Variants in PRF1 observed in about 807,000 individuals in gnomAD.
The protein encoded by PRF1 is perforin 1.
Under a neutral mutation model 11.7 loss-of-function variants are expected in PRF1, and 11 were observed. That is an observed-to-expected ratio of 0.94 (90% CI 0.59 to 1.56). The LOEUF (loss-of-function observed/expected upper bound fraction) is 1.56, where lower values mean the gene tolerates loss of function less well. PRF1 is among the 40% of genes most tolerant of loss of function. PRF1 has a pLI of 0.00. For synonymous variants in PRF1, 314 were observed against 327.8 expected (o/e 0.96, Z 0.45); for missense variants, 729 against 751.0 (o/e 0.97, Z 0.34).
At position 70,600,691 on chromosome 10, in the gene PRF1, C is replaced by T. The variant is rs1161153296; in HGVS notation, c.212G>A (p.Gly71Asp). The change falls in exon 2 of 3, where the codon GGC (glycine) becomes GAC (aspartate). Residue 71 changes from glycine to aspartate, a missense_variant. By Grantham distance (94) the Gly-to-Asp change is moderately conservative (BLOSUM62 -1). Coordinates refer to ENST00000441259, the MANE Select transcript of PRF1 (RefSeq NM_001083116.3). The surrounding 1 kb of genome is among the most constrained non-coding windows in gnomAD (Gnocchi z 4.9). The stretch of plus-strand genomic sequence containing the variant: ...GGCATTTTCACAGAGGGTGCAGGTG[C>T]CGTCGGGCCGCAGGAACCTTTGTGT... The part of the protein sequence containing the change: ...VDTQRFLRPD[G>D]TCTLCENALQ... 2 of 1,613,858 alleles carry T rather than the reference C, an allele frequency of 1.2e-6. No individual in the cohort carries two copies. Among genetic ancestry groups the T allele is most frequent in the Non-Finnish European group, 1.7e-6 (2 of 1,179,936 alleles).
At chr10:70,601,840 A>AAAAAAAAAAAAGAGACAGAAAAAAAAG (rs55649452) in intron 1 of PRF1, among the ~76,000 whole-genome samples, 1 of 97,764 alleles carries the variant, frequency 1.0e-5, no homozygotes, top group Non-Finnish European at 1.9e-5. Flanking sequence ...AAAAAAAAAA[A>AAAAAAAAAAAAGAGACAGAAAAAAAAG]AAAAAGGGGC....
At position 70,598,261 on chromosome 10, in the gene PRF1, G is replaced by C; in HGVS notation, c.1460C>G (p.Ser487Cys). 1 of 1,614,254 alleles carries C rather than the reference G, an allele frequency of 6.2e-7. No individual in the cohort carries two copies. The highest frequency in any genetic ancestry group is 1.1e-5 in the South Asian group (1 of 91,088). Residue 487 changes from serine (S) to cysteine (C), a missense_variant, in exon 3 of 3, where the codon TCT (serine) becomes TGT (cysteine). Coordinates refer to ENST00000441259, the MANE Select transcript of PRF1 (RefSeq NM_001083116.3). ...GCCAAGGAGGTCATCGTCCCTGCCA[G>C]AGTCCTGATCCCAGACCTGCAACCT... ...PLRLQVWDQD[S>C]GRDDDLLGTC... is the part of the protein sequence containing the mutation.
At position 70,598,092 on chromosome 10, in the gene PRF1, C is replaced by G. The variant is rs767848717; in HGVS notation, c.1629G>C (p.Leu543=). 1.2e-6 allele frequency: 2 copies of G among 1,614,064 alleles called. No individual in the cohort carries two copies. The highest frequency in any genetic ancestry group is 1.1e-5 in the South Asian group (1 of 91,074). ...TCLDYVPQML[L]GEPPGNRSGA... The stretch of plus-strand genomic sequence containing the variant: ...CACTCCGGTTTCCTGGAGGCTCCCC[C>G]AGAAGCATTTGGGGGACATAGTCCA... Residue 543 remains leucine, a synonymous_variant, in exon 3 of 3, where the codon CTG becomes CTC. Transcript: ENST00000441259.
In PRF1 at chr10:70,600,755, C is replaced by T. The variant is rs776299562; in HGVS notation, c.148G>A (p.Val50Met). Residue 50 changes from valine to methionine, a missense_variant, in exon 2 of 3, where the codon GTG (valine) becomes ATG (methionine). Transcript: ENST00000441259. This position sits in a 1 kb window ranked among gnomAD's most constrained non-coding sequence, Gnocchi z 4.9. ...GAGCCCGAGCGGCGGAGGCTGGTCACGTCCACACCCTCCCCGGCCAGCCAT... is the reference window on the plus strand; with the variant it reads ...GAGCCCGAGCGGCGGAGGCTGGTCATGTCCACACCCTCCCCGGCCAGCCAT... ...GAWLAGEGVD[V>M]TSLRRSGSFP... 20 of 1,612,202 alleles carry T rather than the reference C, an allele frequency of 1.2e-5. No homozygotes were observed. Among genetic ancestry groups the T allele is most frequent in the Non-Finnish European group, 1.6e-5 (19 of 1,178,876 alleles).
chr10:70,601,007 G>T, intron 1 of PRF1, 75 bp from the exon 2 acceptor site: 1 of 1,512,216 alleles, frequency 6.6e-7, no homozygotes, highest in Non-Finnish European at 8.8e-7. Context: ...AGGGCACATG[G>T]AAGGGGAGGG....
Position 70,598,930 on chromosome 10 carries a change from A to T in PRF1, c.791T>A (p.Val264Asp). 4 of 1,614,108 alleles carry T rather than the reference A, an allele frequency of 2.5e-6. No homozygotes were observed. The highest frequency in any genetic ancestry group is 2.5e-6 in the Non-Finnish European group (3 of 1,180,006). Residue 264 changes from valine (V) to aspartate (D), a missense_variant, in exon 3 of 3, where the codon GTC becomes GAC. Transcript: ENST00000441259. ...GATGCTGCCGTGGATGCCTATGTTG[A>T]CCTGGGCCTCGACAGTCAGGCAGTC... is the stretch of plus-strand genomic sequence containing the variant. ...VEDCLTVEAQ[V>D]NIGIHGSISA... is the part of the protein sequence containing the mutation.
chr10:70,599,127 C>T lies in PRF1; in HGVS notation c.594G>A (p.Gly198=), dbSNP rs925225446. ...PLHPDFKRAL[G]DLPHHFNAST... ...AGGCGTTGAAGTGGTGGGGCAGGTC[C>T]CCGAGGGCCCTCTTGAAGTCAGGGT... The change falls in exon 3 of 3, where the codon GGG becomes GGA. Residue 198 remains glycine (G), a synonymous_variant. Coordinates refer to ENST00000441259, the MANE Select transcript of PRF1 (RefSeq NM_001083116.3). The T allele has an allele frequency of 4.3e-6, 7 of 1,614,092 alleles. No individual in the cohort carries two copies. Among genetic ancestry groups the T allele is most frequent in the South Asian group, 2.2e-5 (2 of 91,084 alleles).
Position 70,598,683 on chromosome 10 carries a change from C to G in PRF1, c.1038G>C (p.Leu346=), listed in dbSNP as rs762946719. Reference sequence around the variant, plus strand: ...GGTCCTGGCTGTCCAGCAGCACGTGCAGGGGTTCCAGGGTGTAGTCCACCA... The same window carrying G: ...GGTCCTGGCTGTCCAGCAGCACGTGGAGGGGTTCCAGGGTGTAGTCCACCA... ...PGLVDYTLEP[L]HVLLDSQDPR... The change falls in exon 3 of 3, where the codon CTG becomes CTC. Residue 346 remains leucine, a synonymous_variant. Coordinates refer to ENST00000441259, the MANE Select transcript of PRF1 (RefSeq NM_001083116.3). The G allele has an allele frequency of 2.2e-5, 36 of 1,613,968 alleles. No individual in the cohort carries two copies. The highest frequency in any genetic ancestry group is 4.0e-5 in the African/African-American group (3 of 74,940).
At position 70,597,546 on chromosome 10, in the gene PRF1, A is replaced by C. The variant is rs1449582024; in HGVS notation, c.*507T>G. On this transcript the variant is annotated 3_prime_UTR_variant, in exon 3 of 3. Transcript: ENST00000441259. ...CTCAAGGGAAGGGTCCTAAAAGACC[A>C]GCCCTGAGCAGCCTGGTGGGAACAG... 4.6e-6 allele frequency: 2 copies of C among 437,802 alleles called. No homozygotes were observed. The highest frequency in any genetic ancestry group is 8.0e-6 in the Non-Finnish European group (2 of 250,692). The allele number at this position is 437,802 out of a possible 1,614,324, so 27.1% of individuals were successfully genotyped here.
Position 70,600,076 on chromosome 10 carries a change from T to C in PRF1, c.539+288A>G, listed in dbSNP as rs1848197858. Among the ~76,000 whole-genome samples, 1 of 152,030 alleles carries C rather than the reference T, an allele frequency of 6.6e-6. No homozygotes were observed. Among genetic ancestry groups the C allele is most frequent in the Admixed American group, 6.5e-5 (1 of 15,270 alleles). The stretch of plus-strand genomic sequence containing the variant: ...CTGGCTGTGCCCAGGAAAGGCAGGG[T>C]TCAGTACTCACTAGACCTAAATGGC... On this transcript the variant is annotated intron_variant, in intron 2 of 2. Coordinates refer to ENST00000441259, the MANE Select transcript of PRF1 (RefSeq NM_001083116.3). The surrounding 1 kb of genome is among the most constrained non-coding windows in gnomAD (Gnocchi z 4.9).
rs1848139769 is a variant in PRF1, at chr10:70,597,440, A to G, written c.*613T>C. 1 of 371,402 alleles carries G rather than the reference A, an allele frequency of 2.7e-6. No homozygotes were observed. Among genetic ancestry groups the G allele is most frequent in the African/African-American group, 2.1e-5 (1 of 48,094 alleles). 23.0% of individuals were successfully genotyped at this position (371,402 alleles called of 1,614,324 possible). A position where few individuals can be genotyped will look rare whatever the true frequency, so the allele number is the denominator to read the frequency against. On this transcript the variant is annotated 3_prime_UTR_variant, in exon 3 of 3. Transcript: ENST00000441259. ...CCTCCATTTGTCTCAGGGGCAAAGC[A>G]TTGTGGGCAAAGAAGACAGAGCAGC...
chr10:70,600,089 A>C lies in PRF1; in HGVS notation c.539+275T>G, dbSNP rs1423630711. ...GGAAAGGCAGGGTTCAGTACTCACT[A>C]GACCTAAATGGCACCCTGCTGGGAC... On this transcript the variant is annotated intron_variant, in intron 2 of 2. Transcript: ENST00000441259. The surrounding 1 kb of genome is among the most constrained non-coding windows in gnomAD (Gnocchi z 4.9). Among the ~76,000 whole-genome samples, 1 of 152,206 alleles carries C rather than the reference A, an allele frequency of 6.6e-6. No homozygotes were observed. Among genetic ancestry groups the C allele is most frequent in the African/African-American group, 2.4e-5 (1 of 41,462 alleles).
At position 70,598,682 on chromosome 10, in the gene PRF1, G is replaced by A. The variant is rs556996220; in HGVS notation, c.1039C>T (p.His347Tyr). 1 of 1,614,080 alleles carries A rather than the reference G, an allele frequency of 6.2e-7. No individual in the cohort carries two copies. Among genetic ancestry groups the A allele is most frequent in the South Asian group, 1.1e-5 (1 of 91,086 alleles). Residue 347 changes from histidine (H) to tyrosine (Y), a missense_variant, in exon 3 of 3, where the codon CAC becomes TAC. Transcript: ENST00000441259. ...GLVDYTLEPLHVLLDSQDPRR... is the reference protein window; with the variant it reads ...GLVDYTLEPLYVLLDSQDPRR... Reference sequence around the variant, plus strand: ...GGGTCCTGGCTGTCCAGCAGCACGTGCAGGGGTTCCAGGGTGTAGTCCACC... The same window carrying A: ...GGGTCCTGGCTGTCCAGCAGCACGTACAGGGGTTCCAGGGTGTAGTCCACC...
chr10:70,598,086 C>T lies in PRF1; in HGVS notation c.1635G>A (p.Glu545=). Reference sequence around the variant, plus strand: ...CGGCCCCACTCCGGTTTCCTGGAGGCTCCCCCAGAAGCATTTGGGGGACAT... The same window carrying T: ...CGGCCCCACTCCGGTTTCCTGGAGGTTCCCCCAGAAGCATTTGGGGGACAT... ...LDYVPQMLLG[E]PPGNRSGAVW Residue 545 remains glutamate (E), a synonymous_variant, in exon 3 of 3, where the codon GAG becomes GAA. Coordinates refer to ENST00000441259, the MANE Select transcript of PRF1 (RefSeq NM_001083116.3). 1 of 1,614,002 alleles carries T rather than the reference C, an allele frequency of 6.2e-7. No homozygotes were observed. The highest frequency in any genetic ancestry group is 8.5e-7 in the Non-Finnish European group (1 of 1,180,034).
Position 70,600,313 on chromosome 10 carries a change from CAG to C in PRF1, c.539+49_539+50del, listed in dbSNP as rs775454234. 1.9e-6 allele frequency: 3 copies of C among 1,608,836 alleles called. No individual in the cohort carries two copies. In the Admixed American group the frequency reaches 5.0e-5, roughly 27 times the overall value. ...GCCTTTCCAGGGCTCCTAGACCACC[CAG>C]AGTTTCCCGCGCCTTTTCCAGCCCC... On this transcript the variant is annotated intron_variant, in intron 2 of 2. Transcript: ENST00000441259. The surrounding 1 kb of genome is among the most constrained non-coding windows in gnomAD (Gnocchi z 4.9).
At position 70,600,543 on chromosome 10, in the gene PRF1, A is replaced by G. The variant is rs755864894; in HGVS notation, c.360T>C (p.Asp120=). 1.2e-6 allele frequency: 2 copies of G among 1,613,990 alleles called. No individual in the cohort carries two copies. Among genetic ancestry groups the G allele is most frequent in the East Asian group, 2.2e-5 (1 of 44,888 alleles). ...AGTCGTTGCGGATGCTACGAGCCGC[A>G]TCCCGGGCCACAGCTTCAGTGGAGC... ...KVSSTEAVAR[D]AARSIRNDWK... Residue 120 remains aspartate (D), a synonymous_variant, in exon 2 of 3, where the codon GAT becomes GAC. Transcript: ENST00000441259. The surrounding 1 kb of genome is among the most constrained non-coding windows in gnomAD (Gnocchi z 4.9).
Position 70,598,875 on chromosome 10 carries a change from C to T in PRF1, c.846G>A (p.Lys282=). Residue 282 remains lysine, a synonymous_variant, in exon 3 of 3, where the codon AAG becomes AAA. Transcript: ENST00000441259. The part of the protein sequence containing the change: ...ISAEAKACEE[K]KKKHKMTASF... Reference sequence around the variant, plus strand: ...AGGCCGTCATCTTGTGCTTCTTCTTCTTCTCCTCACAGGCCTTGGCTTCGG... The same window carrying T: ...AGGCCGTCATCTTGTGCTTCTTCTTTTTCTCCTCACAGGCCTTGGCTTCGG... 1 of 1,614,260 alleles carries T rather than the reference C, an allele frequency of 6.2e-7. No homozygotes were observed. Among genetic ancestry groups the T allele is most frequent in the African/African-American group, 1.3e-5 (1 of 75,074 alleles).
At position 70,598,355 on chromosome 10, in the gene PRF1, T is replaced by G. The variant is rs768878385; in HGVS notation, c.1366A>C (p.Asn456His). 2 of 1,614,160 alleles carry G rather than the reference T, an allele frequency of 1.2e-6. No homozygotes were observed. Among genetic ancestry groups the G allele is most frequent in the Non-Finnish European group, 8.5e-7 (1 of 1,180,026 alleles). ...QELRTSTVWD[N>H]NNPIWSVRLD... ...CGCACTGACCAGATGGGGTTGTTAT[T>G]GTCCCACACGGTGCTCGTCCTCAGC... The change falls in exon 3 of 3, where the codon AAT (asparagine) becomes CAT (histidine). Residue 456 changes from asparagine to histidine, a missense_variant. Transcript: ENST00000441259.
intron 1 of PRF1, 130 bp from the exon 2 acceptor site, chr10:70,601,062 G>GTA: frequency 7.5e-7 from 1 of 1,342,260 alleles, no homozygotes; most frequent in East Asian, 2.5e-5. Flanking sequence ...GTCAGAGCTG[G>GTA]TATGTCCCTT....
Sources: allele counts gnomAD v4.1 joint callset (sites outside exome capture counted in the v4.1 genomes callset), GRCh38; gene constraint gnomAD v4.1.1; non-coding constraint Gnocchi (gnomAD v3.1); transcripts MANE v1.5; gene names NCBI Gene and HGNC (gene_info 2026-07-23, HGNC 2026-07-21).